Variants in TRIM2 observed in about 807,000 individuals in gnomAD.
TRIM2 encodes tripartite motif-containing protein 2.
In TRIM2, 20 loss-of-function variants were observed where a neutral mutation model predicts 75.2. The observed-to-expected ratio is 0.27, with a 90% CI of 0.19 to 0.39. TRIM2 has a LOEUF of 0.39. Ranked by LOEUF, TRIM2 falls within the 10% of genes least tolerant of loss-of-function variation. TRIM2 has a pLI of 1.00. For missense variants in TRIM2, 660 were observed against 990.8 expected, an observed-to-expected ratio of 0.67 and a Z score of 4.48; for synonymous variants, 373 against 388.3, an observed-to-expected ratio of 0.96 and a Z score of 0.46.
At chr4:153,293,632 T>C (rs1762245125) in intron 4 of TRIM2, among the ~76,000 whole-genome samples, 1 of 152,114 alleles carries the variant, frequency 6.6e-6, no homozygotes, top group African/African-American at 2.4e-5. Flanking sequence ...AGTAGCTGAG[T>C]GGTGCATGAA....
At chr4:153,240,575 C>T (rs193296740) in intron 1 of TRIM2, among the ~76,000 whole-genome samples, 1 of 152,176 alleles carries the variant, frequency 6.6e-6, no homozygotes, top group Non-Finnish European at 1.5e-5. Context: ...TAGAAGGTTA[C>T]TACCTACGCT....
intron 11 of TRIM2, among the ~76,000 whole-genome samples, chr4:153,331,692 A>G (rs1174275210): frequency 6.6e-6 from 1 of 152,250 alleles, no homozygotes; most frequent in Non-Finnish European, 1.5e-5. Flanking sequence ...AAAGAAGAAT[A>G]AATTGAGAGG....
At chr4:153,288,801 A>G (rs1181139067) in intron 3 of TRIM2, among the ~76,000 whole-genome samples, 1 of 150,546 alleles carries the variant, frequency 6.6e-6, no homozygotes, top group East Asian at 1.9e-4. Flanking sequence ...TGCCTCACAG[A>G]CTGTATAATC....
intron 1 of TRIM2, among the ~76,000 whole-genome samples, chr4:153,205,061 T>G (rs1193438651): frequency 6.6e-6 from 1 of 152,194 alleles, no homozygotes; most frequent in Non-Finnish European, 1.5e-5. Flanking sequence ...GGGAACAGTT[T>G]AGAGCAGACA....
intron 1 of TRIM2, among the ~76,000 whole-genome samples, chr4:153,171,814 C>A (rs1730885487): frequency 7.0e-6 from 1 of 142,386 alleles, no homozygotes; most frequent in South Asian, 2.3e-4. Flanking sequence ...CGCATCCCAG[C>A]TTTTTGCCAT....
chr4:153,260,684 A>AC (rs1560902662), intron 1 of TRIM2, among the ~76,000 whole-genome samples: 3 of 33,832 alleles, frequency 8.9e-5, no homozygotes, highest in South Asian at 2.6e-3. Flanking sequence ...ACCCACCCAC[A>AC]CACCCACCCC....
Position 153,295,890 on chromosome 4 carries a change from C to T in TRIM2, c.1364C>T (p.Ser455Phe). The T allele has an allele frequency of 6.2e-7, 1 of 1,613,490 alleles. No homozygotes were observed. Among genetic ancestry groups the T allele is most frequent in the Non-Finnish European group, 8.5e-7 (1 of 1,179,720 alleles). ...AAAGTGATCCGATCCGCTGATGTGT[C>T]TCCCACCACAGAAGGCGTGAAGAGG... ...KLKVIRSADVSPTTEGVKRRV... is the reference protein window; with the variant it reads ...KLKVIRSADVFPTTEGVKRRV... Residue 455 changes from serine (S) to phenylalanine (F), a missense_variant, in exon 6 of 12, where the codon TCT becomes TTT. By Grantham distance (155) the Ser-to-Phe change is radical. Around this residue, in one of 2 missense-constraint regions of TRIM2, gnomAD observed 620 missense variants for 891.0 expected, o/e 0.70. Transcript: ENST00000338700. The surrounding 1 kb of genome is among the most constrained non-coding windows in gnomAD (Gnocchi z 7.2).
chr4:153,171,108 A>C (rs1356029624), intron 1 of TRIM2, among the ~76,000 whole-genome samples: 3 of 152,212 alleles, frequency 2.0e-5, no homozygotes, highest in Non-Finnish European at 4.4e-5. Flanking sequence ...AGCAGGTCCC[A>C]AGAGTTCGTT....
At chr4:153,266,779 C>G (rs991726125) in intron 1 of TRIM2, 1 of 151,772 alleles carries the variant, frequency 6.6e-6, no homozygotes, top group African/African-American at 2.4e-5. Context: ...GAGATGACAC[C>G]CAGCCTGTTT....
chr4:153,160,052 A>G (rs147414653), intron 1 of TRIM2, among the ~76,000 whole-genome samples: 135 of 152,286 alleles, frequency 8.9e-4, no homozygotes, highest in African/African-American at 3.1e-3. Context: ...CCATTGTTAT[A>G]TCTCTATTTT....
In TRIM2 at chr4:153,336,262, G is replaced by T; in HGVS notation, c.*1296G>T. ...AGCAGTTTAAAGCCGTCCTAGTGGA[G>T]CAAGCCCTAAAGCAGATTTAATTTT... On this transcript the variant is annotated 3_prime_UTR_variant, in exon 12 of 12. Coordinates refer to ENST00000338700, the MANE Select transcript of TRIM2 (RefSeq NM_015271.5). 1.0e-6 allele frequency: 1 copy of T among 985,024 alleles called. No homozygotes were observed. The highest frequency in any genetic ancestry group is 1.2e-6 in the Non-Finnish European group (1 of 829,818). 61.0% of individuals were successfully genotyped at this position (985,024 alleles called of 1,614,324 possible).
rs28435394 is a variant in TRIM2, at chr4:153,179,689, A to C, written c.-49+26419A>C. Among the ~76,000 whole-genome samples, 446 of 152,328 alleles carry C rather than the reference A, an allele frequency of 2.9e-3. 1 individual carries two copies. The highest frequency in any genetic ancestry group is 0.01 in the African/African-American group (419 of 41,574). On this transcript the variant is annotated intron_variant, in intron 1 of 11. Transcript: ENST00000437508. Reference sequence around the variant, plus strand: ...ATTTTTTTCACGTGGCTGAATGTGAAAGCAAATGGAAGCTGCACTCTCAAG... The same window carrying C: ...ATTTTTTTCACGTGGCTGAATGTGACAGCAAATGGAAGCTGCACTCTCAAG...
At position 153,259,485 on chromosome 4, in the gene TRIM2, T is replaced by C. The variant is rs115161643; in HGVS notation, c.31-10850T>C. On this transcript the variant is annotated intron_variant, in intron 1 of 11. Coordinates refer to ENST00000338700, the MANE Select transcript of TRIM2 (RefSeq NM_015271.5). ...ATTATTTCTCTTATAAAACTAAAAC[T>C]ACCCAAATATTTGAGGTATTATTGA... 9.4e-3 allele frequency among the ~76,000 whole-genome samples: 1,429 copies of C among 152,320 alleles called. 19 individuals are homozygous for C. Among genetic ancestry groups the C allele is most frequent in the African/African-American group, 0.03 (1,263 of 41,568 alleles).
intron 6 of TRIM2, chr4:153,308,633 T>A (rs17029855): frequency 0.019 from 11,572 of 612,688 alleles, 359 homozygotes; most frequent in African/African-American, 0.1. Context: ...TTGATGGCCA[T>A]TTCAATGTTC....
At chr4:153,255,004 G>T (rs1751724029) in intron 1 of TRIM2, among the ~76,000 whole-genome samples, 1 of 152,168 alleles carries the variant, frequency 6.6e-6, no homozygotes, top group Non-Finnish European at 1.5e-5. Context: ...TGCACTCAGT[G>T]CTTGAAATGC....
At chr4:153,309,571 G>A (rs1425308032) in intron 6 of TRIM2, 1 of 151,628 alleles carries the variant, frequency 6.6e-6, no homozygotes, top group African/African-American at 2.4e-5. Flanking sequence ...CTTACACTTG[G>A]CTCAGTTTCA....
chr4:153,289,974 A>G (rs1452822652), intron 3 of TRIM2, among the ~76,000 whole-genome samples: 1 of 152,218 alleles, frequency 6.6e-6, no homozygotes, highest in Non-Finnish European at 1.5e-5. Context: ...TGGCAGTGAC[A>G]ACCTGCTTTA....
intron 10 of TRIM2, among the ~76,000 whole-genome samples, chr4:153,325,420 A>T (rs1317668947): frequency 6.6e-6 from 1 of 152,162 alleles, no homozygotes; most frequent in African/African-American, 2.4e-5. Context: ...CTCTGCTGAA[A>T]CTACTGTCCA....
chr4:153,244,620 C>A (rs1299051966), intron 1 of TRIM2, among the ~76,000 whole-genome samples: 1 of 151,690 alleles, frequency 6.6e-6, no homozygotes, highest in African/African-American at 2.4e-5. Flanking sequence ...TATAAGAAAG[C>A]TTTGCATTTC....
Sources: allele counts gnomAD v4.1 joint callset (sites outside exome capture counted in the v4.1 genomes callset), GRCh38; gene constraint gnomAD v4.1.1; regional missense constraint gnomAD v4.1.1; non-coding constraint Gnocchi (gnomAD v3.1); transcripts MANE v1.5; gene names NCBI Gene and HGNC (gene_info 2026-07-23, HGNC 2026-07-21).